The following TMEM132D variants were observed in gnomAD, a reference collection of about 807,000 sequenced individuals.
TMEM132D encodes mature OL transmembrane protein.
TMEM132D carries 21 observed loss-of-function variants against 62.3 expected under a neutral mutation model. The observed-to-expected ratio is 0.34, with a 90% CI of 0.24 to 0.49. The LOEUF is 0.49. Among genes scored for constraint, TMEM132D ranks in the 20% least tolerant of loss-of-function variants. The pLI is 0.99. For missense variants in TMEM132D, 1,346 were observed against 1,402.8 expected, an observed-to-expected ratio of 0.96 and a Z score of 0.65; for synonymous variants, 621 against 575.6, an observed-to-expected ratio of 1.08 and a Z score of -1.13.
chr12:129,547,826 A>T (rs1469652104), intron 2 of TMEM132D, among the ~76,000 whole-genome samples: 1 of 152,186 alleles, frequency 6.6e-6, no homozygotes, highest in Non-Finnish European at 1.5e-5. Context: ...GTTTTACCCC[A>T]TGTTACAGAT....
chr12:129,459,174 C>T (rs117786364), intron 3 of TMEM132D, among the ~76,000 whole-genome samples: 2,855 of 152,174 alleles, frequency 0.019, 47 homozygotes, highest in Non-Finnish European at 0.029. Flanking sequence ...CAGGATGGCT[C>T]AGCACTGCAC....
chr12:129,335,732 T>G, intron 4 of TMEM132D, among the ~76,000 whole-genome samples: 1 of 152,122 alleles, frequency 6.6e-6, no homozygotes, highest in East Asian at 1.9e-4. Context: ...TACCTTTTCT[T>G]TTATTTCCTT....
intron 1 of TMEM132D, among the ~76,000 whole-genome samples, chr12:129,876,270 C>T (rs775653429): frequency 1.3e-5 from 2 of 152,190 alleles, no homozygotes; most frequent in African/African-American, 4.8e-5. Flanking sequence ...TTAGCATCCT[C>T]ATCACCAAAT....
intron 1 of TMEM132D, among the ~76,000 whole-genome samples, chr12:129,822,217 GGGA>G (rs1175978731): frequency 6.6e-6 from 1 of 152,140 alleles, no homozygotes; most frequent in Non-Finnish European, 1.5e-5. Flanking sequence ...AGGGCTGGAG[GGGA>G]GAAGGGCTGA....
At chr12:129,291,143 C>G (rs1429992107) in intron 4 of TMEM132D, among the ~76,000 whole-genome samples, 1 of 152,172 alleles carries the variant, frequency 6.6e-6, no homozygotes, top group African/African-American at 2.4e-5. Flanking sequence ...ACTATAAACT[C>G]CCCATCAGTC....
At position 129,437,289 on chromosome 12, in the gene TMEM132D, T is replaced by A. The variant is rs994876848; in HGVS notation, c.1115+93770A>T. Reference sequence around the variant, plus strand: ...TAGGAATAACAGAGCCTCCCCACCATCCTGGAGCCCTGAATACTCCCAGGG... The same window carrying A: ...TAGGAATAACAGAGCCTCCCCACCAACCTGGAGCCCTGAATACTCCCAGGG... On this transcript the variant is annotated intron_variant, in intron 3 of 8. Coordinates refer to ENST00000422113, the MANE Select transcript of TMEM132D (RefSeq NM_133448.3). Among the ~76,000 whole-genome samples, 5 of 152,228 alleles carry A rather than the reference T, an allele frequency of 3.3e-5. No individual in the cohort carries two copies. In the South Asian group the frequency reaches 1.0e-3, roughly 32 times the overall value.
chr12:129,784,401 A>AT lies in TMEM132D; in HGVS notation c.80-83704dup, dbSNP rs967925714. Among the ~76,000 whole-genome samples, 54 of 150,826 alleles carry AT rather than the reference A, an allele frequency of 3.6e-4. No homozygotes were observed. In the East Asian group the frequency reaches 6.1e-3, roughly 17 times the overall value. On this transcript the variant is annotated intron_variant, in intron 1 of 8. Coordinates refer to ENST00000422113, the MANE Select transcript of TMEM132D (RefSeq NM_133448.3). Reference sequence around the variant, plus strand: ...GAGGTCACCGACTTATTTTTAAAATATTTTTTTTTCAATTTTTAAAGTAAC... The same window carrying AT: ...GAGGTCACCGACTTATTTTTAAAATATTTTTTTTTTCAATTTTTAAAGTAAC...
intron 1 of TMEM132D, among the ~76,000 whole-genome samples, chr12:129,898,821 G>A (rs766675943): frequency 5.3e-5 from 8 of 152,214 alleles, no homozygotes; most frequent in Non-Finnish European, 1.0e-4. Context: ...CACGGTATGG[G>A]GTGCATTGTT....
chr12:129,542,031 T>C (rs1015392788), intron 2 of TMEM132D, among the ~76,000 whole-genome samples: 2 of 152,210 alleles, frequency 1.3e-5, no homozygotes, highest in Admixed American at 1.3e-4. Flanking sequence ...AGATATCAGA[T>C]GTGAGCTCAA....
At chr12:129,393,177 C>T (rs143689716) in intron 3 of TMEM132D, among the ~76,000 whole-genome samples, 7 of 152,314 alleles carry the variant, frequency 4.6e-5, no homozygotes, top group Admixed American at 3.9e-4. Flanking sequence ...CAAATTCAGC[C>T]CGTGGCTAGA....
intron 4 of TMEM132D, among the ~76,000 whole-genome samples, chr12:129,265,013 A>G (rs1880648041): frequency 6.6e-6 from 1 of 152,194 alleles, no homozygotes; most frequent in African/African-American, 2.4e-5. Flanking sequence ...AATCACCACT[A>G]AAGACTTACT....
intron 5 of TMEM132D, among the ~76,000 whole-genome samples, chr12:129,205,847 G>T (rs921835695): frequency 6.6e-6 from 1 of 151,582 alleles, no homozygotes; most frequent in African/African-American, 2.4e-5. Flanking sequence ...AATGAAAACA[G>T]AAATAAATAC....
At chr12:129,567,417 C>G (rs1383433577) in intron 2 of TMEM132D, among the ~76,000 whole-genome samples, 1 of 152,058 alleles carries the variant, frequency 6.6e-6, no homozygotes, top group Non-Finnish European at 1.5e-5. Flanking sequence ...AAGAAGCCAC[C>G]ACGTGACAAG....
At chr12:129,225,489 C>T (rs923159791) in intron 4 of TMEM132D, among the ~76,000 whole-genome samples, 17 of 152,280 alleles carry the variant, frequency 1.1e-4, no homozygotes, top group African/African-American at 3.9e-4. Flanking sequence ...GGCCTGTGTT[C>T]AAATCCCAGC....
rs926773644 is a variant in TMEM132D, at chr12:129,903,076, C to T, written c.79+185G>A. ...AGGACAAGCACCTTCGGCCAAGGGG[C>T]GTCCGAGGAGCTTGGCTGCCGCACG... On this transcript the variant is annotated intron_variant, in intron 1 of 8. Transcript: ENST00000422113. This position sits in a 1 kb window ranked among gnomAD's most constrained non-coding sequence, Gnocchi z 6.2. Among the ~76,000 whole-genome samples the T allele has an allele frequency of 2.6e-5, 4 of 152,350 alleles. No individual in the cohort carries two copies. Among genetic ancestry groups the T allele is most frequent in the Admixed American group, 6.5e-5 (1 of 15,308 alleles).
chr12:129,077,275 G>A (rs759124816), intron 8 of TMEM132D, among the ~76,000 whole-genome samples: 3 of 152,052 alleles, frequency 2.0e-5, no homozygotes, highest in Admixed American at 2.0e-4. Flanking sequence ...CGCAGAAAAG[G>A]CTCCTGATCC....
chr12:129,235,400 GTTT>G (rs55691625), intron 4 of TMEM132D, among the ~76,000 whole-genome samples: 7,882 of 148,452 alleles, frequency 0.053, 262 homozygotes, highest in Non-Finnish European at 0.076. Flanking sequence ...CCCCTAATGG[GTTT>G]TTTTTTTTTT....
chr12:129,447,376 A>G lies in TMEM132D; in HGVS notation c.1115+83683T>C, dbSNP rs80302125. On this transcript the variant is annotated intron_variant, in intron 3 of 8. Transcript: ENST00000422113. ...TCATTTTGAAAGGAAGCATTATTACACTACTGTTAAGTGAAAACTGGTATC... is the reference window on the plus strand; with the variant it reads ...TCATTTTGAAAGGAAGCATTATTACGCTACTGTTAAGTGAAAACTGGTATC... Among the ~76,000 whole-genome samples the G allele has an allele frequency of 8.3e-4, 127 of 152,318 alleles. No individual in the cohort carries two copies. The East Asian group carries it at 0.021, about 25-fold the overall frequency.
At chr12:129,406,386 C>A (rs991686148) in intron 3 of TMEM132D, among the ~76,000 whole-genome samples, 3 of 152,078 alleles carry the variant, frequency 2.0e-5, no homozygotes, top group African/African-American at 7.2e-5. Context: ...TTTGGGAGGT[C>A]GAGGCGCGTG....
Sources: gnomAD v4.1 joint callset for allele counts (sites outside exome capture counted in the v4.1 genomes callset) on GRCh38, gnomAD v4.1.1 for gene constraint, Gnocchi (gnomAD v3.1) non-coding constraint, MANE v1.5 for transcripts, NCBI Gene and HGNC (gene_info 2026-07-23, HGNC 2026-07-21) for gene names.